SFRP5: variants seen among roughly 807,000 people sequenced by gnomAD.
SFRP5 encodes secreted frizzled-related protein 5.
In SFRP5, 22 loss-of-function variants were observed where a neutral mutation model predicts 27.0. The observed-to-expected ratio is 0.82, with a 90% CI of 0.58 to 1.17. The LOEUF (loss-of-function observed/expected upper bound fraction) is 1.17. Ranked by LOEUF, SFRP5 falls within the 50% of genes most tolerant of loss-of-function variation. SFRP5 has a pLI of 0.00. For missense variants in SFRP5, 406 were observed against 436.6 expected (o/e 0.93, Z 0.63); for synonymous variants, 171 against 195.0 (o/e 0.88, Z 1.03).
rs2049515907 is a variant in SFRP5, at chr10:97,771,465, C to T, written c.369G>A (p.Pro123=). 2 of 1,612,264 alleles carry T rather than the reference C, an allele frequency of 1.2e-6. No homozygotes were observed. Among genetic ancestry groups the T allele is most frequent in the East Asian group, 2.2e-5 (1 of 44,804 alleles). ...APVCLDRPIY[P]CRSLCEAVRA... ...GCACGGCCTCGCACAGCGAGCGGCA[C>T]GGGTAGATGGGCCGGTCGAGACAGA... The change falls in exon 1 of 3, where the codon CCG becomes CCA. Residue 123 remains proline (P), a synonymous_variant. Coordinates refer to ENST00000266066, the MANE Select transcript of SFRP5 (RefSeq NM_003015.3). The surrounding 1 kb of genome is among the most constrained non-coding windows in gnomAD (Gnocchi z 5.2).
At position 97,771,458 on chromosome 10, in the gene SFRP5, A is replaced by G; in HGVS notation, c.376T>C (p.Ser126Pro). The stretch of plus-strand genomic sequence containing the variant: ...CCGGCGCGCACGGCCTCGCACAGCG[A>G]GCGGCACGGGTAGATGGGCCGGTCG... Reference protein sequence around the residue: ...CLDRPIYPCRSLCEAVRAGCA... With the variant: ...CLDRPIYPCRPLCEAVRAGCA... The change falls in exon 1 of 3, where the codon TCG (serine) becomes CCG (proline). Residue 126 changes from serine (S) to proline (P), a missense_variant. Transcript: ENST00000266066. This position sits in a 1 kb window ranked among gnomAD's most constrained non-coding sequence, Gnocchi z 5.2. The G allele has an allele frequency of 6.2e-7, 1 of 1,612,450 alleles. No homozygotes were observed. Among genetic ancestry groups the G allele is most frequent in the Non-Finnish European group, 8.5e-7 (1 of 1,179,200 alleles).
At chr10:97,769,473 C>T (rs1486795318) in intron 2 of SFRP5, among the ~76,000 whole-genome samples, 195 bp downstream of exon 2, 1 of 152,196 alleles carries the variant, frequency 6.6e-6, no homozygotes. Context: ...TGTGATGGTC[C>T]TGAGATGATG....
intron 2 of SFRP5, among the ~76,000 whole-genome samples, chr10:97,769,320 C>T (rs1307172921): frequency 2.0e-4 from 31 of 152,194 alleles, no homozygotes; most frequent in Admixed American, 2.0e-3. Flanking sequence ...CCACCTGGCT[C>T]CATCCATCTC....
Position 97,767,604 on chromosome 10 carries a change from A to T in SFRP5, c.864T>A (p.Asn288Lys), listed in dbSNP as rs1479082513. ...LMAVYRWDKK[N>K]KEMKFAVKFM... is the part of the protein sequence containing the mutation. ...ATTTGACTGCAAACTTCATCTCCTTATTCTTCTTGTCCCAGCGGTAGACGG... is the reference window on the plus strand; with the variant it reads ...ATTTGACTGCAAACTTCATCTCCTTTTTCTTCTTGTCCCAGCGGTAGACGG... Residue 288 changes from asparagine to lysine, a missense_variant, in exon 3 of 3, where the codon AAT becomes AAA. Physicochemically the swap from Asn to Lys is moderately conservative, Grantham distance 94. Transcript: ENST00000266066. The T allele has an allele frequency of 1.9e-6, 3 of 1,613,526 alleles. No homozygotes were observed. The highest frequency in any genetic ancestry group is 2.5e-6 in the Non-Finnish European group (3 of 1,180,020).
At position 97,767,848 on chromosome 10, in the gene SFRP5, C is replaced by T. The variant is rs375865050; in HGVS notation, c.620G>A (p.Arg207His). 4.4e-5 allele frequency: 67 copies of T among 1,524,624 alleles called. No homozygotes were observed. Among genetic ancestry groups the T allele is most frequent in the Middle Eastern group, 1.8e-4 (1 of 5,640 alleles). The allele number at this position is 1,524,624 out of a possible 1,614,324, so 94.4% of individuals were successfully genotyped here. The change falls in exon 3 of 3, where the codon CGC becomes CAC. Residue 207 changes from arginine to histidine, a missense_variant. Transcript: ENST00000266066. ...MCSSDFVVKM[R>H]IKEIKIENGD... ...ATTCTCTATCTTGATCTCCTTGATGCGCATTTTGACCACTGTGGGAAGAAA... is the reference window on the plus strand; with the variant it reads ...ATTCTCTATCTTGATCTCCTTGATGTGCATTTTGACCACTGTGGGAAGAAA...
intron 1 of SFRP5, 96 bp from the exon 2 acceptor site, chr10:97,769,841 C>T: frequency 2.6e-6 from 2 of 780,172 alleles, no homozygotes; most frequent in Non-Finnish European, 4.5e-6. Context: ...ACTGACCAGC[C>T]ACTTCCCCTT....
chr10:97,768,832 G>A (rs1351449476), intron 2 of SFRP5, among the ~76,000 whole-genome samples: 1 of 152,000 alleles, frequency 6.6e-6, no homozygotes, highest in Non-Finnish European at 1.5e-5. Flanking sequence ...AGGCTTCTGG[G>A]CCCCCATCTC....
At chr10:97,768,585 A>T (rs996479001) in intron 2 of SFRP5, among the ~76,000 whole-genome samples, 2 of 152,110 alleles carry the variant, frequency 1.3e-5, no homozygotes, top group Non-Finnish European at 2.9e-5. Context: ...TATGTGTGTG[A>T]GAGAGAGATT....
At chr10:97,768,494 G>A (rs937996398) in intron 2 of SFRP5, among the ~76,000 whole-genome samples, 2 of 152,098 alleles carry the variant, frequency 1.3e-5, no homozygotes, top group East Asian at 1.9e-4. Flanking sequence ...ATAACTGACC[G>A]CATGACTGGG....
At position 97,767,803 on chromosome 10, in the gene SFRP5, C is replaced by G; in HGVS notation, c.665G>C (p.Gly222Ala). 4 of 1,546,552 alleles carry G rather than the reference C, an allele frequency of 2.6e-6. No individual in the cohort carries two copies. The highest frequency in any genetic ancestry group is 3.5e-6 in the Non-Finnish European group (4 of 1,150,676). Reference protein sequence around the residue: ...KIENGDRKLIGAQKKKKLLKP... With the variant: ...KIENGDRKLIAAQKKKKLLKP... ...GAGCAGCTTCTTCTTTTTCTGGGCT[C>G]CAATCAGCTTCCGGTCCCCATTCTC... The change falls in exon 3 of 3, where the codon GGA becomes GCA. Residue 222 changes from glycine (G) to alanine (A), a missense_variant. Coordinates refer to ENST00000266066, the MANE Select transcript of SFRP5 (RefSeq NM_003015.3).
At position 97,771,667 on chromosome 10, in the gene SFRP5, A is replaced by G; in HGVS notation, c.167T>C (p.Ile56Thr). 2 of 1,602,726 alleles carry G rather than the reference A, an allele frequency of 1.2e-6. No individual in the cohort carries two copies. Among genetic ancestry groups the G allele is most frequent in the Non-Finnish European group, 1.7e-6 (2 of 1,179,620 alleles). Residue 56 changes from isoleucine to threonine, a missense_variant, in exon 1 of 3, where the codon ATC becomes ACC. Physicochemically the swap from Ile to Thr is moderately conservative, Grantham distance 89. Coordinates refer to ENST00000266066, the MANE Select transcript of SFRP5 (RefSeq NM_003015.3). This position sits in a 1 kb window ranked among gnomAD's most constrained non-coding sequence, Gnocchi z 5.2. Reference sequence around the variant, plus strand: ...GTGGCAGAGCGGCAGGTCGGCAGGGATGTCAAGGCACTGCGGCGGCTTGGA... The same window carrying G: ...GTGGCAGAGCGGCAGGTCGGCAGGGGTGTCAAGGCACTGCGGCGGCTTGGA... ...SYSKPPQCLD[I>T]PADLPLCHTV...
At chr10:97,768,373 C>G (rs909315923) in intron 2 of SFRP5, among the ~76,000 whole-genome samples, 2 of 151,972 alleles carry the variant, frequency 1.3e-5, no homozygotes, top group Admixed American at 6.6e-5. Context: ...CATGCACACA[C>G]GGTGAGTGTG....
Position 97,771,842 on chromosome 10 carries a change from C to T in SFRP5, c.-9G>A. Reference sequence around the variant, plus strand: ...GCCGCCGCCGCCCGCATGGCTGCGCCCTCTCCAGGTGCGCGCCGCGCAGCC... The same window carrying T: ...GCCGCCGCCGCCCGCATGGCTGCGCTCTCTCCAGGTGCGCGCCGCGCAGCC... On this transcript the variant is annotated 5_prime_UTR_variant, in exon 1 of 3. Transcript: ENST00000266066. This position sits in a 1 kb window ranked among gnomAD's most constrained non-coding sequence, Gnocchi z 5.2. The T allele has an allele frequency of 9.0e-7, 1 of 1,116,960 alleles. No individual in the cohort carries two copies. Among genetic ancestry groups the T allele is most frequent in the Non-Finnish European group, 1.1e-6 (1 of 919,236 alleles). 69.2% of individuals were successfully genotyped at this position (1,116,960 alleles called of 1,614,324 possible).
Position 97,771,533 on chromosome 10 carries a change from G to A in SFRP5, c.301C>T (p.His101Tyr), listed in dbSNP as rs1213092053. 2.5e-6 allele frequency: 4 copies of A among 1,610,630 alleles called. No individual in the cohort carries two copies. The highest frequency in any genetic ancestry group is 3.4e-6 in the Non-Finnish European group (4 of 1,177,566). The change falls in exon 1 of 3, where the codon CAC (histidine) becomes TAC (tyrosine). Residue 101 changes from histidine to tyrosine, a missense_variant. By Grantham distance (83) the His-to-Tyr change is moderately conservative (BLOSUM62 2). Transcript: ENST00000266066. The surrounding 1 kb of genome is among the most constrained non-coding windows in gnomAD (Gnocchi z 5.2). ...SWLPLLAKRC[H>Y]SDTQVFLCSL... is the part of the protein sequence containing the mutation. ...CACAGGAAGACCTGCGTATCCGAGT[G>A]GCAGCGCTTGGCCAGCAGCGGCAGC...
At chr10:97,769,608 G>A (rs771965658) in intron 2 of SFRP5, 60 bp downstream of exon 2, 61 of 1,194,006 alleles carry the variant, frequency 5.1e-5, no homozygotes, top group Middle Eastern at 2.1e-4. Context: ...TCCCGTGTGC[G>A]TCAAGAAAGA....
chr10:97,768,601 G>C (rs2049498680), intron 2 of SFRP5, among the ~76,000 whole-genome samples: 1 of 152,198 alleles, frequency 6.6e-6, no homozygotes, highest in Non-Finnish European at 1.5e-5. Context: ...AGATTGTACG[G>C]TGGGTGGGAG....
intron 1 of SFRP5, among the ~76,000 whole-genome samples, chr10:97,770,315 C>A (rs1414679003): frequency 1.3e-5 from 2 of 152,210 alleles, no homozygotes; most frequent in Non-Finnish European, 2.9e-5. Context: ...AGTGATTCAC[C>A]CACCTTGGCC....
intron 1 of SFRP5, among the ~76,000 whole-genome samples, chr10:97,770,654 G>A (rs750994178): frequency 2.6e-5 from 4 of 152,216 alleles, no homozygotes; most frequent in Non-Finnish European, 4.4e-5. Context: ...CTTGCCTAAG[G>A]GCTTCTCTTC....
Position 97,767,441 on chromosome 10 carries a change from G to T in SFRP5, c.*73C>A. The T allele has an allele frequency of 2.5e-6, 3 of 1,199,640 alleles. No individual in the cohort carries two copies. The highest frequency in any genetic ancestry group is 3.5e-6 in the Non-Finnish European group (3 of 847,860). The allele number at this position is 1,199,640 out of a possible 1,614,324, so 74.3% of individuals were successfully genotyped here. ...CGTGAAAACACCCTCCAGTAGGGCC[G>T]GGTCAGCCTGGAAGTTGGGGCGGGG... On this transcript the variant is annotated 3_prime_UTR_variant, in exon 3 of 3. Coordinates refer to ENST00000266066, the MANE Select transcript of SFRP5 (RefSeq NM_003015.3).
Sources: gnomAD v4.1 joint callset for allele counts (sites outside exome capture counted in the v4.1 genomes callset) on GRCh38, gnomAD v4.1.1 for gene constraint, Gnocchi (gnomAD v3.1) non-coding constraint, MANE v1.5 for transcripts, NCBI Gene and HGNC (gene_info 2026-07-23, HGNC 2026-07-21) for gene names.